ADCY7: variants seen among roughly 807,000 people sequenced by gnomAD.
ADCY7 encodes adenylate cyclase type 7.
A neutral mutation model predicts 120.6 loss-of-function variants in ADCY7; 72 were observed. The observed-to-expected ratio is 0.60, with a 90% CI of 0.49 to 0.73. ADCY7 has a LOEUF of 0.73. Among genes scored for constraint, ADCY7 ranks in the 30% least tolerant of loss-of-function variants. The pLI is 0.00. For missense variants in ADCY7, 1,227 were observed against 1,486.0 expected, an observed-to-expected ratio of 0.83 and a Z score of 2.87; for synonymous variants, 661 against 628.0, an observed-to-expected ratio of 1.05 and a Z score of -0.78.
intron 15 of ADCY7, among the ~76,000 whole-genome samples, 196 bp from the exon 16 acceptor site, chr16:50,308,131 C>T (rs1230530783): frequency 6.6e-6 from 1 of 152,166 alleles, no homozygotes; most frequent in Non-Finnish European, 1.5e-5. Flanking sequence ...TGGTCTTGAC[C>T]TCAATCTTCA....
chr16:50,264,102 C>T (rs927503401), upstream of ADCY7, among the ~76,000 whole-genome samples: 1 of 152,168 alleles, frequency 6.6e-6, no homozygotes. Flanking sequence ...TCCTCAGCCC[C>T]CAGAAGTTTC....
At position 50,310,476 on chromosome 16, in the gene ADCY7, G is replaced by A. The variant is rs776273106; in HGVS notation, c.2161-211G>A. Reference sequence around the variant, plus strand: ...CAGCACCTGCATACTGTTTTTTCCCGTTTAAATGAGCTCACTTCATAAGAA... The same window carrying A: ...CAGCACCTGCATACTGTTTTTTCCCATTTAAATGAGCTCACTTCATAAGAA... On this transcript the variant is annotated intron_variant, in intron 18 of 25. Transcript: ENST00000673801. 3.8e-5 allele frequency: 59 copies of A among 1,536,222 alleles called. No homozygotes were observed. The Middle Eastern group carries it at 1.7e-3, about 43-fold the overall frequency.
chr16:50,292,570 G>A lies in ADCY7; in HGVS notation c.538-106G>A, dbSNP rs764909592. ...GAGTGCCATTCTCAGTGGGTTGAAG[G>A]TCAGGGAATGGGAAGAGGTGCCATC... On this transcript the variant is annotated intron_variant, in intron 4 of 25. Transcript: ENST00000673801. The A allele has an allele frequency of 2.8e-6, 4 of 1,408,470 alleles. No homozygotes were observed. In the Admixed American group the frequency reaches 7.9e-5, roughly 28 times the overall value. 87.2% of individuals were successfully genotyped at this position (1,408,470 alleles called of 1,614,324 possible).
chr16:50,313,763 AG>A, intron 22 of ADCY7, 194 bp from the exon 23 acceptor site: 2 of 578,648 alleles, frequency 3.5e-6, no homozygotes, highest in Non-Finnish European at 6.2e-6. Context: ...CGGAGACAAC[AG>A]GAAGAGCAGG....
intron 13 of ADCY7, 49 bp from the exon 14 acceptor site, chr16:50,305,728 A>G (rs1380564503): frequency 1.9e-6 from 3 of 1,548,656 alleles, no homozygotes; most frequent in Non-Finnish European, 8.9e-7. Context: ...TCCTGAGGGA[A>G]TGGACCCCTT....
chr16:50,246,068 G>A (rs2032574262), upstream of ADCY7: 1 of 150,590 alleles, frequency 6.6e-6, no homozygotes, highest in African/African-American at 2.4e-5. Flanking sequence ...CCGCCCCCGC[G>A]CCCCAGGCCT....
intron 2 of ADCY7, among the ~76,000 whole-genome samples, chr16:50,289,624 C>T (rs1264460832): frequency 6.6e-6 from 1 of 152,192 alleles, no homozygotes; most frequent in East Asian, 1.9e-4. Flanking sequence ...TGCCACCACG[C>T]CTGGCTAATT....
rs1270956742 is a variant in ADCY7, at chr16:50,317,441, G to GAAAC, written c.*1938_*1941dup. The GAAAC allele has an allele frequency of 3.9e-5, 6 of 152,312 alleles. No individual in the cohort carries two copies. Among genetic ancestry groups the GAAAC allele is most frequent in the South Asian group, 2.1e-4 (1 of 4,824 alleles). 9.4% of individuals were successfully genotyped at this position (152,312 alleles called of 1,614,324 possible). On this transcript the variant is annotated 3_prime_UTR_variant, in exon 26 of 26. Coordinates refer to ENST00000673801, the MANE Select transcript of ADCY7 (RefSeq NM_001114.5). The stretch of plus-strand genomic sequence containing the variant: ...AGGTTTCTGTTGCTAATATAACATA[G>GAAAC]AAACACATTAGTGCACTGGGCCTCT...
At chr16:50,311,963 T>C in intron 20 of ADCY7, 73 bp from the exon 21 acceptor site, 2 of 1,593,192 alleles carry the variant, frequency 1.3e-6, no homozygotes, top group Non-Finnish European at 1.7e-6. Flanking sequence ...CAGACAGACC[T>C]GGCTAGGAGA....
At chr16:50,292,851 C>A (rs1246869923) in intron 5 of ADCY7, 26 bp downstream of exon 5, 1 of 1,608,116 alleles carries the variant, frequency 6.2e-7, no homozygotes, top group South Asian at 1.1e-5. Flanking sequence ...CACTCCTCAC[C>A]CTGTACACCC....
chr16:50,298,267 G>T (rs573433320), intron 7 of ADCY7, among the ~76,000 whole-genome samples: 12 of 152,036 alleles, frequency 7.9e-5, no homozygotes, highest in South Asian at 2.1e-4. Flanking sequence ...TGGCTACCTC[G>T]CAGTCTCTTC....
At chr16:50,288,789 T>A (rs1179863499) in intron 2 of ADCY7, among the ~76,000 whole-genome samples, 4 of 152,196 alleles carry the variant, frequency 2.6e-5, no homozygotes, top group Non-Finnish European at 5.9e-5. Flanking sequence ...ATGCTCTGTC[T>A]TTTACAGCAC....
chr16:50,264,183 A>G (rs1209609992), upstream of ADCY7, among the ~76,000 whole-genome samples: 1 of 152,158 alleles, frequency 6.6e-6, no homozygotes, highest in African/African-American at 2.4e-5. Flanking sequence ...ACTGTAGATT[A>G]GTTTCATCAT....
Position 50,293,393 on chromosome 16 carries a change from A to G in ADCY7, c.727A>G (p.Met243Val). ...GTCAGTGCTTCCGGCCCACATCTCC[A>G]TGGGCATGAAGCTGGCCATCATCGA... ...LLSVLPAHIS[M>V]GMKLAIIERL... The change falls in exon 6 of 26, where the codon ATG becomes GTG. Residue 243 changes from methionine (M) to valine (V), a missense_variant. Met to Val is a conservative substitution (Grantham distance 21, BLOSUM62 1). Coordinates refer to ENST00000673801, the MANE Select transcript of ADCY7 (RefSeq NM_001114.5). 6.2e-7 allele frequency: 1 copy of G among 1,613,888 alleles called. No homozygotes were observed. The highest frequency in any genetic ancestry group is 1.1e-5 in the South Asian group (1 of 91,082).
chr16:50,313,801 T>C (rs778368103), intron 22 of ADCY7, 157 bp from the exon 23 acceptor site: 5 of 622,054 alleles, frequency 8.0e-6, no homozygotes, highest in South Asian at 3.9e-5. Context: ...GTCCTCACCA[T>C]GCTTAGTCAT....
At chr16:50,252,005 G>C (rs900799762) in intron 1 of ADCY7, among the ~76,000 whole-genome samples, 5 of 152,216 alleles carry the variant, frequency 3.3e-5, no homozygotes, top group Non-Finnish European at 7.3e-5. Context: ...CTGCTCTCCT[G>C]TCACAGTCCC....
chr16:50,291,887 T>G lies in ADCY7; in HGVS notation c.527T>G (p.Val176Gly), dbSNP rs777733799. The change falls in exon 4 of 26, where the codon GTG (valine) becomes GGG (glycine). Residue 176 changes from valine (V) to glycine (G), a missense_variant. By Grantham distance (109) the Val-to-Gly change is moderately radical (BLOSUM62 -3). Transcript: ENST00000673801. ...GGCTTCACGACACCCAGTGTCCGGG[T>G]GGGGCTGCAGGTGAGGGATGGGCTA... The part of the protein sequence containing the change: ...MGGFTTPSVR[V>G]GLQLLANAVI... The G allele has an allele frequency of 1.2e-6, 2 of 1,610,990 alleles. No individual in the cohort carries two copies. The highest frequency in any genetic ancestry group is 4.5e-5 in the East Asian group (2 of 44,842).
chr16:50,294,984 C>G (rs977729602), intron 7 of ADCY7, among the ~76,000 whole-genome samples: 6 of 152,136 alleles, frequency 3.9e-5, no homozygotes, highest in Non-Finnish European at 7.3e-5. Context: ...ACTGACAGTG[C>G]ACACTGGGCG....
In ADCY7 at chr16:50,304,519, G is replaced by A; in HGVS notation, c.1528G>A (p.Glu510Lys). The A allele has an allele frequency of 1.9e-6, 3 of 1,582,268 alleles. No individual in the cohort carries two copies. Among genetic ancestry groups the A allele is most frequent in the Non-Finnish European group, 2.6e-6 (3 of 1,164,470 alleles). The part of the protein sequence containing the change: ...LNHRESVSSG[E>K]THVPNGRRPK... ...CCACCGTGAGAGCGTGAGCAGTGGT[G>A]AGACCCACGTCCCCAACGGGCGGAG... The change falls in exon 11 of 26, where the codon GAG becomes AAG. Residue 510 changes from glutamate to lysine, a missense_variant. By Grantham distance (56) the Glu-to-Lys change is moderately conservative. Transcript: ENST00000673801.
Sources: allele counts gnomAD v4.1 joint callset (sites outside exome capture counted in the v4.1 genomes callset), GRCh38; gene constraint gnomAD v4.1.1; transcripts MANE v1.5; gene names NCBI Gene and HGNC (gene_info 2026-07-23, HGNC 2026-07-21).